The following MCCC1 variants were observed in gnomAD, a reference collection of about 807,000 sequenced individuals.
The protein encoded by MCCC1 is methylcrotonyl-CoA carboxylase subunit 1.
A neutral mutation model predicts 83.8 loss-of-function variants in MCCC1; 64 were observed. The observed-to-expected ratio is 0.76, with a 90% CI of 0.62 to 0.94. The LOEUF (loss-of-function observed/expected upper bound fraction) is 0.94. MCCC1 is among the 40% of genes least tolerant of loss of function. MCCC1 has a pLI of 0.00. For synonymous variants in MCCC1, 322 were observed against 315.4 expected (o/e 1.02, Z -0.22); for missense variants, 807 against 904.7 (o/e 0.89, Z 1.39).
intron 10 of MCCC1, among the ~76,000 whole-genome samples, chr3:183,044,416 C>A (rs553347512): frequency 6.6e-6 from 1 of 152,204 alleles, no homozygotes; most frequent in African/African-American, 2.4e-5. Context: ...TTGAAAAATA[C>A]AGTAGGCATG....
intron 1 of MCCC1, among the ~76,000 whole-genome samples, chr3:183,114,107 T>C (rs1040743089): frequency 5.3e-5 from 8 of 152,190 alleles, no homozygotes; most frequent in Non-Finnish European, 1.0e-4. Context: ...AATTAACGGA[T>C]AAGATACTGT....
At chr3:183,039,246 G>T in intron 11 of MCCC1, 111 bp from the exon 12 acceptor site, 1 of 1,017,106 alleles carries the variant, frequency 9.8e-7, no homozygotes, top group Non-Finnish European at 1.5e-6. Flanking sequence ...ATAAACCCCT[G>T]CATGATAAAT....
intron 8 of MCCC1, among the ~76,000 whole-genome samples, chr3:183,055,304 G>T (rs1388458358): frequency 6.6e-6 from 1 of 152,024 alleles, no homozygotes; most frequent in Admixed American, 6.6e-5. Context: ...CCAGCTACTT[G>T]GGAGGCTGAG....
At chr3:183,109,251 G>A (rs1040940415) in intron 1 of MCCC1, among the ~76,000 whole-genome samples, 7 of 151,892 alleles carry the variant, frequency 4.6e-5, no homozygotes, top group African/African-American at 1.5e-4. Flanking sequence ...CTCGACCTCC[G>A]AAAGTGCTGG....
chr3:183,094,600 C>T lies in MCCC1; in HGVS notation c.95G>A (p.Trp32Ter). 6.2e-7 allele frequency: 1 copy of T among 1,613,926 alleles called. No homozygotes were observed. Among genetic ancestry groups the T allele is most frequent in the Non-Finnish European group, 8.5e-7 (1 of 1,179,774 alleles). Reference sequence around the variant, plus strand: ...CTTCATGGTTCTTTGCCTCCACACCCATGTCCTATAACATAAATCCAAAAG... The same window carrying T: ...CTTCATGGTTCTTTGCCTCCACACCTATGTCCTATAACATAAATCCAAAAG... ...LPSLLLPPRT[W>*]VWRQRTMKYT... Residue 32 changes from tryptophan (W) to a stop codon, truncating the protein, a stop_gained, in exon 2 of 19, where the codon TGG becomes TAG. Transcript: ENST00000265594. LOFTEE classifies it high-confidence loss of function.
intron 17 of MCCC1, chr3:183,017,548 G>A (rs1053228743): frequency 8.8e-6 from 5 of 565,824 alleles, no homozygotes; most frequent in Non-Finnish European, 1.6e-5. Context: ...AACTTACAGA[G>A]CAGAAGTAGA....
At chr3:183,037,567 C>G (rs569382809) in intron 12 of MCCC1, 133 bp from the exon 13 acceptor site, 1 of 790,758 alleles carries the variant, frequency 1.3e-6, no homozygotes, top group South Asian at 1.5e-5. Context: ...TACTAAGGTA[C>G]CATGTGGCAA....
At chr3:183,095,875 A>T (rs890951590) in intron 1 of MCCC1, among the ~76,000 whole-genome samples, 1 of 152,170 alleles carries the variant, frequency 6.6e-6, no homozygotes, top group Non-Finnish European at 1.5e-5. Context: ...AAAAATGGAG[A>T]AATGGGGAGA....
chr3:183,024,939 C>A (rs1712460213), intron 15 of MCCC1, among the ~76,000 whole-genome samples: 1 of 148,680 alleles, frequency 6.7e-6, no homozygotes, highest in South Asian at 2.1e-4. Flanking sequence ...TATATACATA[C>A]AACAGAGTAT....
chr3:183,044,619 G>GATGGCCTGGCCCAGAATGCT (rs1431185142), intron 10 of MCCC1, among the ~76,000 whole-genome samples: 1 of 152,118 alleles, frequency 6.6e-6, no homozygotes, highest in Non-Finnish European at 1.5e-5. Flanking sequence ...GAAACCGAAT[G>GATGGCCTGGCCCAGAATGCT]ATGGCCTGGC....
At chr3:183,039,599 C>G (rs1219939166) in intron 11 of MCCC1, among the ~76,000 whole-genome samples, 4 of 152,156 alleles carry the variant, frequency 2.6e-5, no homozygotes, top group South Asian at 2.1e-4. Context: ...AGTGCCATAC[C>G]TGGCAAAACT....
At chr3:183,060,844 C>T (rs1346864168) in intron 7 of MCCC1, among the ~76,000 whole-genome samples, 13 of 151,946 alleles carry the variant, frequency 8.6e-5, no homozygotes, top group African/African-American at 2.7e-4. Flanking sequence ...TTTGTCCTTG[C>T]GACAGTTTGC....
chr3:183,022,447 G>A lies in MCCC1; in HGVS notation c.1839C>T (p.Ile613=), dbSNP rs201782543. The A allele has an allele frequency of 6.2e-7, 1 of 1,614,146 alleles. No individual in the cohort carries two copies. Residue 613 remains isoleucine (I), a synonymous_variant, in exon 16 of 19, where the codon ATC becomes ATT. Transcript: ENST00000265594. ...AAAATAGGTAAATAGTGTTTTCCAG[G>A]ATAATCAGCTTCGCTTTACTAGCAA... The part of the protein sequence containing the change: ...NGVASKAKLI[I]LENTIYLFSK...
chr3:183,084,756 T>C (rs977286269), intron 4 of MCCC1, among the ~76,000 whole-genome samples: 1 of 152,000 alleles, frequency 6.6e-6, no homozygotes, highest in African/African-American at 2.4e-5. Context: ...GCTCCATCTC[T>C]ACAAAAATTT....
At chr3:183,057,501 C>A in intron 7 of MCCC1, 79 bp from the exon 8 acceptor site, 1 of 1,095,930 alleles carries the variant, frequency 9.1e-7, no homozygotes. Flanking sequence ...AACTGTTAGG[C>A]ACAATCACCA....
intron 9 of MCCC1, among the ~76,000 whole-genome samples, chr3:183,046,812 G>C (rs1714592112): frequency 6.6e-6 from 1 of 152,202 alleles, no homozygotes; most frequent in Non-Finnish European, 1.5e-5. Flanking sequence ...TTTTAAATTT[G>C]TCAGAGAAAT....
At chr3:183,109,721 T>C (rs907131551) in intron 1 of MCCC1, among the ~76,000 whole-genome samples, 1 of 152,196 alleles carries the variant, frequency 6.6e-6, no homozygotes, top group African/African-American at 2.4e-5. Context: ...AACATATGAG[T>C]GTGTGTGTCT....
upstream of MCCC1, among the ~76,000 whole-genome samples, chr3:183,101,114 G>T (rs967454749): frequency 3.9e-5 from 6 of 152,256 alleles, no homozygotes; most frequent in Non-Finnish European, 1.5e-5. Context: ...ATTTCTCGCC[G>T]GGCCTTGGCT....
intron 3 of MCCC1, among the ~76,000 whole-genome samples, chr3:183,090,104 A>AAGGGTCTGGTAGATGGGT (rs1238093127): frequency 1.3e-5 from 2 of 152,176 alleles, no homozygotes; most frequent in Non-Finnish European, 2.9e-5. Context: ...ACTTCAACAT[A>AAGGGTCTGGTAGATGGGT]AGGGTCTGGT....
Sources: gnomAD v4.1 joint callset for allele counts (sites outside exome capture counted in the v4.1 genomes callset) on GRCh38, gnomAD v4.1.1 for gene constraint, MANE v1.5 for transcripts, NCBI Gene and HGNC (gene_info 2026-07-23, HGNC 2026-07-21) for gene names.